Variants in CDH2 observed in about 807,000 individuals in gnomAD.
CDH2 encodes the protein cadherin 2, also known as cadherin-2.
CDH2 carries 17 observed loss-of-function variants against 92.0 expected under a neutral mutation model. The observed-to-expected ratio is 0.18, with a 90% CI of 0.13 to 0.28. The LOEUF (loss-of-function observed/expected upper bound fraction) is 0.28. CDH2 is among the 10% of genes least tolerant of loss of function. The pLI, the probability that CDH2 is intolerant of heterozygous loss-of-function variation, is 1.00. For missense variants in CDH2, 862 were observed against 1,133.1 expected (o/e 0.76, Z 3.44); for synonymous variants, 419 against 415.9 (o/e 1.01, Z -0.09).
At chr18:28,018,619 C>T (rs1348505902) in intron 2 of CDH2, among the ~76,000 whole-genome samples, 1 of 151,640 alleles carries the variant, frequency 6.6e-6, no homozygotes, top group Non-Finnish European at 1.5e-5. Flanking sequence ...GTCAAAACCA[C>T]AATGTAATAC....
intron 2 of CDH2, among the ~76,000 whole-genome samples, chr18:28,022,388 T>C (rs2013436037): frequency 6.6e-6 from 1 of 152,058 alleles, no homozygotes; most frequent in African/African-American, 2.4e-5. Flanking sequence ...TAAACTAATA[T>C]GCATAAAATT....
At chr18:28,001,001 CTA>C (rs1232053605) in intron 7 of CDH2, among the ~76,000 whole-genome samples, 8 of 151,976 alleles carry the variant, frequency 5.3e-5, no homozygotes, top group African/African-American at 1.9e-4. Context: ...TGCATTTTTT[CTA>C]TGTTAAATGA....
intron 14 of CDH2, among the ~76,000 whole-genome samples, chr18:27,969,747 C>T (rs969863264): frequency 2.0e-5 from 3 of 152,130 alleles, no homozygotes; most frequent in Middle Eastern, 3.2e-3. Flanking sequence ...CCGGGTGCGG[C>T]GGCTCACGCC....
At chr18:28,055,286 G>C (rs1049609787) in intron 2 of CDH2, among the ~76,000 whole-genome samples, 16 of 152,192 alleles carry the variant, frequency 1.1e-4, no homozygotes, top group Admixed American at 9.8e-4. Context: ...TCTCCCACCA[G>C]GTCCCTCCCA....
intron 6 of CDH2, among the ~76,000 whole-genome samples, chr18:27,935,091 T>A (rs921795056): frequency 5.3e-5 from 8 of 152,182 alleles, no homozygotes; most frequent in Non-Finnish European, 7.3e-5. Context: ...ATGTTCCTTT[T>A]TTCCCCCTTG....
chr18:28,129,649 G>C (rs1359078338), intron 2 of CDH2, among the ~76,000 whole-genome samples: 2 of 152,116 alleles, frequency 1.3e-5, no homozygotes, highest in Non-Finnish European at 2.9e-5. Context: ...ACAACATAGT[G>C]AGCTTCTGTC....
At chr18:28,133,236 TG>T (rs1303294749) in intron 2 of CDH2, among the ~76,000 whole-genome samples, 1 of 152,180 alleles carries the variant, frequency 6.6e-6, no homozygotes, top group Non-Finnish European at 1.5e-5. Context: ...TTTCCATATC[TG>T]TAACACAGGA....
At chr18:28,153,548 C>G (rs561523392) in intron 1 of CDH2, among the ~76,000 whole-genome samples, 33 of 152,312 alleles carry the variant, frequency 2.2e-4, no homozygotes, top group African/African-American at 7.2e-4. Flanking sequence ...CAACACCCCC[C>G]AACCCCCCGG....
At chr18:27,988,082 A>C (rs2012293305) in intron 11 of CDH2, among the ~76,000 whole-genome samples, 1 of 152,204 alleles carries the variant, frequency 6.6e-6, no homozygotes, top group South Asian at 2.1e-4. Flanking sequence ...GAAGCTCACT[A>C]CTCACTTATC....
At chr18:27,957,316 AT>A (rs2011275221) in intron 15 of CDH2, among the ~76,000 whole-genome samples, 1 of 151,940 alleles carries the variant, frequency 6.6e-6, no homozygotes, top group African/African-American at 2.4e-5. Context: ...TGGCACAATC[AT>A]GGCTCACTGC....
chr18:27,962,702 C>T (rs1014720181), intron 15 of CDH2, among the ~76,000 whole-genome samples: 12 of 152,126 alleles, frequency 7.9e-5, no homozygotes, highest in African/African-American at 2.9e-4. Context: ...AGCAGCAGCA[C>T]AAATCATTGA....
intron 2 of CDH2, among the ~76,000 whole-genome samples, chr18:28,112,888 T>C (rs1309581496): frequency 6.6e-6 from 1 of 151,974 alleles, no homozygotes; most frequent in Non-Finnish European, 1.5e-5. Context: ...TGAAGAAAAG[T>C]CAACAGCAGA....
chr18:27,987,637 T>C (rs934563907), intron 11 of CDH2, among the ~76,000 whole-genome samples: 27 of 152,336 alleles, frequency 1.8e-4, no homozygotes, highest in African/African-American at 5.8e-4. Context: ...TGGTTCAGTT[T>C]TGAAACTATT....
intron 2 of CDH2, among the ~76,000 whole-genome samples, chr18:28,128,235 T>C (rs942115671): frequency 5.9e-5 from 9 of 152,314 alleles, no homozygotes; most frequent in Admixed American, 3.3e-4. Context: ...CAGAATTATG[T>C]TCTGAAAAAC....
At chr18:28,083,659 A>G (rs1232643243) in intron 2 of CDH2, among the ~76,000 whole-genome samples, 1 of 152,144 alleles carries the variant, frequency 6.6e-6, no homozygotes, top group African/African-American at 2.4e-5. Context: ...AGTTCCCTAT[A>G]CCTTACTTAA....
chr18:27,976,024 G>A (rs1482605940), intron 14 of CDH2, among the ~76,000 whole-genome samples: 2 of 152,136 alleles, frequency 1.3e-5, no homozygotes, highest in Non-Finnish European at 2.9e-5. Flanking sequence ...ATCGGGGGCA[G>A]GGCAGGCCAT....
At chr18:28,175,889 C>T (rs1002708471) in intron 1 of CDH2, among the ~76,000 whole-genome samples, 2 of 152,192 alleles carry the variant, frequency 1.3e-5, no homozygotes, top group African/African-American at 4.8e-5. Flanking sequence ...CAGGCGGAGA[C>T]CGACTTGGGA....
intron 2 of CDH2, among the ~76,000 whole-genome samples, chr18:28,019,350 G>C (rs564343194): frequency 6.6e-6 from 1 of 150,630 alleles, no homozygotes; most frequent in African/African-American, 2.4e-5. Context: ...AGGAAGGAGG[G>C]AAGGCAGGAA....
chr18:27,934,301 A>C (rs971557569), intron 6 of CDH2, among the ~76,000 whole-genome samples: 3 of 152,170 alleles, frequency 2.0e-5, no homozygotes, highest in Non-Finnish European at 4.4e-5. Context: ...TGTGTCAGTT[A>C]ACTCCATATT....
Sources: allele counts gnomAD v4.1 joint callset (sites outside exome capture counted in the v4.1 genomes callset), GRCh38; gene constraint gnomAD v4.1.1; transcripts MANE v1.5; gene names NCBI Gene and HGNC (gene_info 2026-07-23, HGNC 2026-07-21).